Variants in RHBDD1 observed in about 807,000 individuals in gnomAD.
RHBDD1 encodes the protein rhomboid domain containing 1.
In RHBDD1, 38 loss-of-function variants were observed where a neutral mutation model predicts 36.3. The ratio of observed to expected loss-of-function variants is 1.05; its 90% CI spans 0.81 to 1.37. The LOEUF is 1.37. Among genes scored for constraint, RHBDD1 ranks in the 40% most tolerant of loss-of-function variants. The probability of loss-of-function intolerance (pLI) is 0.00; values close to 1 mark genes in which losing one functional copy is unlikely to be tolerated. For synonymous variants in RHBDD1, 151 were observed against 136.5 expected, an observed-to-expected ratio of 1.11 and a Z score of -0.74; for missense variants, 393 against 377.6, an observed-to-expected ratio of 1.04 and a Z score of -0.34.
intron 8 of RHBDD1, among the ~76,000 whole-genome samples, chr2:226,942,142 T>C (rs1480078321): frequency 6.6e-6 from 1 of 152,156 alleles, no homozygotes; most frequent in Non-Finnish European, 1.5e-5. Flanking sequence ...GAGATTAACA[T>C]GGTTTTCTTG....
In RHBDD1 at chr2:226,995,539, G is replaced by A. The variant is rs1959175257; in HGVS notation, c.*17G>A. The A allele has an allele frequency of 6.5e-7, 1 of 1,540,242 alleles. No individual in the cohort carries two copies. Among genetic ancestry groups the A allele is most frequent in the Admixed American group, 1.7e-5 (1 of 58,718 alleles). Reference sequence around the variant, plus strand: ...AGCCAGTGAGGTGGCATCTTGGGAAGACATGGCCTATTCGTGTAATTATTG... The same window carrying A: ...AGCCAGTGAGGTGGCATCTTGGGAAAACATGGCCTATTCGTGTAATTATTG... On this transcript the variant is annotated 3_prime_UTR_variant, in exon 9 of 9. Transcript: ENST00000392062.
intron 8 of RHBDD1, among the ~76,000 whole-genome samples, chr2:226,992,707 T>G (rs1043499236): frequency 1.3e-5 from 2 of 152,182 alleles, no homozygotes; most frequent in Admixed American, 1.3e-4. Flanking sequence ...CACATGTCCA[T>G]ATCCATGAAG....
intron 5 of RHBDD1, among the ~76,000 whole-genome samples, chr2:226,874,681 G>A (rs1945072634): frequency 1.3e-5 from 2 of 152,102 alleles, no homozygotes; most frequent in South Asian, 4.1e-4. Flanking sequence ...GGTAATCCTG[G>A]ATGATCTCTG....
chr2:226,975,049 G>T (rs1480780372), intron 8 of RHBDD1, among the ~76,000 whole-genome samples: 1 of 152,142 alleles, frequency 6.6e-6, no homozygotes, highest in Non-Finnish European at 1.5e-5. Context: ...TGGGTAGCAA[G>T]GAAATTATGT....
At chr2:226,836,116 T>A (rs1940924460) in intron 1 of RHBDD1, 29 bp downstream of exon 1, 1 of 152,832 alleles carries the variant, frequency 6.5e-6, no homozygotes, top group African/African-American at 2.4e-5. Context: ...TTGGTCCGGC[T>A]GCTGTCGTTG....
rs1024761670 is a variant in RHBDD1 at position 226,996,644 on chromosome 2, T to C, written c.*1122T>C. 5 of 152,226 alleles carry C rather than the reference T, an allele frequency of 3.3e-5. No individual in the cohort carries two copies. The highest frequency in any genetic ancestry group is 7.3e-5 in the Non-Finnish European group (5 of 68,044). The allele number at this position is 152,226 out of a possible 1,614,324, so 9.4% of individuals were successfully genotyped here. A position where few individuals can be genotyped will look rare whatever the true frequency, so the allele number is the denominator to read the frequency against. ...TTTCTGATTATGCACATAATAGATA[T>C]GCCTTCCAGATGCATAAGGCAAACA... is the stretch of plus-strand genomic sequence containing the variant. On this transcript the variant is annotated 3_prime_UTR_variant, in exon 9 of 9. Transcript: ENST00000392062.
At chr2:226,848,488 T>C (rs1257323117) in intron 3 of RHBDD1, among the ~76,000 whole-genome samples, 1 of 152,166 alleles carries the variant, frequency 6.6e-6, no homozygotes, top group Non-Finnish European at 1.5e-5. Context: ...ATAAAGATAC[T>C]GGAAGTCATT....
At chr2:226,816,042 G>A in the RHBDD1 span, among the ~76,000 whole-genome samples, 1 of 152,198 alleles carries the variant, frequency 6.6e-6, no homozygotes, top group East Asian at 1.9e-4. Context: ...AGGTGACGCT[G>A]CCTTCAGCTA....
chr2:226,943,264 A>G (rs565157383), intron 8 of RHBDD1, among the ~76,000 whole-genome samples: 121 of 152,338 alleles, frequency 7.9e-4, no homozygotes, highest in Non-Finnish European at 1.4e-3. Context: ...AAATTGTGCA[A>G]AAGTATAAAG....
At chr2:226,981,145 C>T (rs976442551) in intron 8 of RHBDD1, among the ~76,000 whole-genome samples, 2 of 152,090 alleles carry the variant, frequency 1.3e-5, no homozygotes, top group African/African-American at 4.8e-5. Context: ...CATGTTCTCA[C>T]TCATAGGTGG....
chr2:226,822,936 G>A, the RHBDD1 span, among the ~76,000 whole-genome samples: 5 of 152,150 alleles, frequency 3.3e-5, no homozygotes, highest in Non-Finnish European at 7.4e-5. Flanking sequence ...GATCAGCCTC[G>A]TCAACATGGC....
chr2:226,824,488 ATTGAG>A, the RHBDD1 span, among the ~76,000 whole-genome samples: 10 of 152,220 alleles, frequency 6.6e-5, no homozygotes, highest in Admixed American at 2.0e-4. Context: ...GAAAGAAAGG[ATTGAG>A]TTAAGTCAGT....
At chr2:226,830,903 C>T (rs1479168758), upstream of RHBDD1, among the ~76,000 whole-genome samples, 4 of 152,170 alleles carry the variant, frequency 2.6e-5, no homozygotes, top group Non-Finnish European at 5.9e-5. Flanking sequence ...TTTCTGGGCT[C>T]AAGCACTTTC....
the RHBDD1 span, among the ~76,000 whole-genome samples, chr2:226,800,530 A>G: frequency 6.6e-6 from 1 of 152,176 alleles, no homozygotes; most frequent in Non-Finnish European, 1.5e-5. Context: ...TTGCTGATCA[A>G]GTAGGGAGAA....
intron 8 of RHBDD1, among the ~76,000 whole-genome samples, chr2:226,991,187 A>G (rs184337630): frequency 2.0e-5 from 3 of 152,102 alleles, no homozygotes; most frequent in East Asian, 1.9e-4. Context: ...GTCATTTTAT[A>G]TATCTCTTTT....
chr2:226,884,865 T>TA (rs1344105777), intron 5 of RHBDD1, among the ~76,000 whole-genome samples: 6 of 152,062 alleles, frequency 3.9e-5, no homozygotes, highest in African/African-American at 1.4e-4. Flanking sequence ...TTTCTAAGCA[T>TA]AAAAACAGTG....
intron 8 of RHBDD1, among the ~76,000 whole-genome samples, chr2:226,929,820 A>G (rs565085621): frequency 6.6e-6 from 1 of 152,220 alleles, no homozygotes; most frequent in South Asian, 2.1e-4. Flanking sequence ...ACTAATGTAT[A>G]CAAATCAGTA....
chr2:226,927,087 A>G (rs1430502896), intron 8 of RHBDD1, among the ~76,000 whole-genome samples: 1 of 151,788 alleles, frequency 6.6e-6, no homozygotes, highest in African/African-American at 2.4e-5. Context: ...ATTACCCATC[A>G]CTCTCCCTTT....
intron 8 of RHBDD1, among the ~76,000 whole-genome samples, chr2:226,916,385 C>T (rs1948913527): frequency 1.3e-5 from 2 of 152,062 alleles, no homozygotes. Context: ...GGGAAAGGGC[C>T]CCAGAGCCTA....
Sources: allele counts gnomAD v4.1 joint callset (sites outside exome capture counted in the v4.1 genomes callset), GRCh38; gene constraint gnomAD v4.1.1; transcripts MANE v1.5; gene names NCBI Gene and HGNC (gene_info 2026-07-23, HGNC 2026-07-21).